Variants in OTOGL observed in about 807,000 individuals in gnomAD.
OTOGL encodes the protein otogelin-like protein.
A neutral mutation model predicts 318.5 loss-of-function variants in OTOGL; 285 were observed. The ratio of observed to expected loss-of-function variants is 0.89; its 90% CI spans 0.81 to 0.99. OTOGL has a LOEUF of 0.99. OTOGL is among the 50% of genes least tolerant of loss of function. The probability of loss-of-function intolerance (pLI) is 0.00; values close to 1 mark genes in which losing one functional copy is unlikely to be tolerated. For missense variants in OTOGL, 2,899 were observed against 2,845.6 expected (o/e 1.02, Z -0.43); for synonymous variants, 987 against 936.5 (o/e 1.05, Z -0.99).
chr12:80,190,219 T>C (rs151332934), intron 1 of OTOGL, among the ~76,000 whole-genome samples: 1 of 152,246 alleles, frequency 6.6e-6, no homozygotes, highest in African/African-American at 2.4e-5. Context: ...GGGAACAGGA[T>C]GTGCTGTGCA....
At chr12:80,329,932 C>G (rs12309182) in intron 37 of OTOGL, among the ~76,000 whole-genome samples, 18,862 of 151,910 alleles carry the variant, frequency 0.12, 2,634 homozygotes, top group African/African-American at 0.35. Flanking sequence ...GCAGCCCACA[C>G]TAGGACCATC....
intron 1 of OTOGL, among the ~76,000 whole-genome samples, chr12:80,149,455 C>T (rs1872627964): frequency 6.6e-6 from 1 of 152,180 alleles, no homozygotes; most frequent in Non-Finnish European, 1.5e-5. Flanking sequence ...ACTGGGAGAA[C>T]CACTGCTCTC....
chr12:80,170,511 G>C (rs1027548533), intron 1 of OTOGL, among the ~76,000 whole-genome samples: 1 of 151,534 alleles, frequency 6.6e-6, no homozygotes, highest in Non-Finnish European at 1.5e-5. Context: ...TTGGCTCACT[G>C]CAACCTCTGT....
At chr12:80,285,641 A>T (rs1367212328) in intron 26 of OTOGL, among the ~76,000 whole-genome samples, 1 of 152,084 alleles carries the variant, frequency 6.6e-6, no homozygotes, top group African/African-American at 2.4e-5. Context: ...TATAGCAATT[A>T]TGAATGGGAG....
intron 53 of OTOGL, 34 bp from the exon 54 acceptor site, chr12:80,367,527 A>G (rs373768033): frequency 5.7e-6 from 8 of 1,411,382 alleles, no homozygotes; most frequent in East Asian, 2.6e-5. Context: ...ACTCAACAGT[A>G]TATTTTCTTA....
intron 29 of OTOGL, among the ~76,000 whole-genome samples, chr12:80,307,735 G>C (rs1178260487): frequency 4.1e-5 from 6 of 145,498 alleles, no homozygotes; most frequent in Non-Finnish European, 6.1e-5. Context: ...CTGGCCGAGC[G>C]GGGGGCAGAC....
chr12:80,367,140 CTTTT>C (rs34564981), intron 53 of OTOGL, among the ~76,000 whole-genome samples: 21 of 131,028 alleles, frequency 1.6e-4, no homozygotes, highest in Non-Finnish European at 2.4e-4. Context: ...CCATACCCAG[CTTTT>C]TTTTTTTTTT....
chr12:80,314,174 A>G (rs1049518883), intron 31 of OTOGL, 131 bp from the exon 32 acceptor site: 1 of 306,888 alleles, frequency 3.3e-6, no homozygotes, highest in Non-Finnish European at 6.2e-6. Flanking sequence ...TTGCTCAGAA[A>G]AAGTTCCTAA....
At chr12:80,316,243 A>G (rs902296022) in intron 32 of OTOGL, among the ~76,000 whole-genome samples, 1 of 152,036 alleles carries the variant, frequency 6.6e-6, no homozygotes, top group Non-Finnish European at 1.5e-5. Context: ...ATCACCGCAC[A>G]TTGTCATCAC....
chr12:80,106,191 A>G (rs562683294), intron 1 of OTOGL, among the ~76,000 whole-genome samples: 10 of 152,334 alleles, frequency 6.6e-5, no homozygotes, highest in African/African-American at 2.4e-4. Context: ...ACATTTATGC[A>G]TGAAATGATG....
At position 80,320,508 on chromosome 12, in the gene OTOGL, T is replaced by A. The variant is rs148064564; in HGVS notation, c.3889T>A (p.Trp1297Arg). 990 of 1,613,638 alleles carry A rather than the reference T, an allele frequency of 6.1e-4. 8 individuals carry two copies. The African/African-American group carries it at 0.011, about 18-fold the overall frequency. Reference sequence around the variant, plus strand: ...CAATGATACTCTTAGCTTGGAGCTGTGGGAGGCGAATTCAGCCTTTCATCG... The same window carrying A: ...CAATGATACTCTTAGCTTGGAGCTGAGGGAGGCGAATTCAGCCTTTCATCG... ...HDNDTLSLEL[W>R]EANSAFHRRA... The change falls in exon 34 of 59, where the codon TGG becomes AGG. Residue 1297 changes from tryptophan (W) to arginine (R), a missense_variant. Around this residue, in one of 3 missense-constraint regions of OTOGL, gnomAD observed 2,607 missense variants for 2,524.9 expected, o/e 1.03. Coordinates refer to ENST00000547103, the MANE Select transcript of OTOGL (RefSeq NM_001378609.3).
intron 26 of OTOGL, among the ~76,000 whole-genome samples, chr12:80,288,182 T>C (rs370978460): frequency 6.6e-6 from 1 of 152,168 alleles, no homozygotes; most frequent in East Asian, 1.9e-4. Context: ...GATATGAAAT[T>C]CTGGATTGAA....
intron 1 of OTOGL, among the ~76,000 whole-genome samples, chr12:80,188,273 T>C (rs866451208): frequency 3.3e-5 from 5 of 152,154 alleles, no homozygotes; most frequent in South Asian, 2.1e-4. Context: ...TGAGCGGTGG[T>C]TCATGCCTGT....
At chr12:80,234,240 A>G (rs1017404235) in intron 9 of OTOGL, among the ~76,000 whole-genome samples, 9 of 152,128 alleles carry the variant, frequency 5.9e-5, no homozygotes, top group Admixed American at 2.0e-4. Context: ...GAATTTTATG[A>G]TGAGAGCACA....
At chr12:80,218,280 T>C (rs1020638957) in intron 5 of OTOGL, among the ~76,000 whole-genome samples, 1 of 152,210 alleles carries the variant, frequency 6.6e-6, no homozygotes, top group African/African-American at 2.4e-5. Context: ...TCATTTTTTT[T>C]CTACCCGTAT....
Position 80,257,881 on chromosome 12 carries a change from G to A in OTOGL, c.1768G>A (p.Gly590Ser). The A allele has an allele frequency of 6.3e-7, 1 of 1,593,894 alleles. No homozygotes were observed. The highest frequency in any genetic ancestry group is 8.5e-7 in the Non-Finnish European group (1 of 1,177,100). The change falls in exon 18 of 59, where the codon GGT becomes AGT. Residue 590 changes from glycine to serine, a missense_variant. By Grantham distance (56) the Gly-to-Ser change is moderately conservative. This residue lies in a region of OTOGL where 2,607 missense variants were observed against 2,524.9 expected (regional missense o/e 1.03). Transcript: ENST00000547103. ...ATTTATACTTCTAAAAACCACATTT[G>A]GTTTAAAGATTCTGTTTGCTATAGA... Reference protein sequence around the residue: ...SLFILLKTTFGLKILFAIDGE... With the variant: ...SLFILLKTTFSLKILFAIDGE...
rs183154919 is a variant in OTOGL, at chr12:80,249,822, G to A, written c.1053-1871G>A. Among the ~76,000 whole-genome samples the A allele has an allele frequency of 4.1e-4, 62 of 152,130 alleles. No homozygotes were observed. In the East Asian group the frequency reaches 9.7e-3, roughly 24 times the overall value. On this transcript the variant is annotated intron_variant, in intron 11 of 58. Coordinates refer to ENST00000547103, the MANE Select transcript of OTOGL (RefSeq NM_001378609.3). Reference sequence around the variant, plus strand: ...CTGTACTAGCAATCAGTGAGACTCCGTGGGCGTAGGACCCTCCGAGGCAGG... The same window carrying A: ...CTGTACTAGCAATCAGTGAGACTCCATGGGCGTAGGACCCTCCGAGGCAGG...
rs1879602143 is a variant in OTOGL, at chr12:80,233,895, G to A, written c.817+798G>A. On this transcript the variant is annotated intron_variant, in intron 9 of 58. Transcript: ENST00000547103. Reference sequence around the variant, plus strand: ...CTTAGTTTCTTCAGCTGTAAAATGGGGCTATGCTAATTTGGAACTCACAGA... The same window carrying A: ...CTTAGTTTCTTCAGCTGTAAAATGGAGCTATGCTAATTTGGAACTCACAGA... 3.3e-5 allele frequency among the ~76,000 whole-genome samples: 5 copies of A among 151,972 alleles called. No individual in the cohort carries two copies. In the South Asian group the frequency reaches 8.3e-4, roughly 25 times the overall value.
At chr12:80,343,597 C>A (rs572909808) in intron 44 of OTOGL, 2 of 124,686 alleles carry the variant, frequency 1.6e-5, no homozygotes, top group South Asian at 2.8e-4. Context: ...GGGAGTGCTG[C>A]TACTCGTATA....
Sources: allele counts gnomAD v4.1 joint callset (sites outside exome capture counted in the v4.1 genomes callset), GRCh38; gene constraint gnomAD v4.1.1; regional missense constraint gnomAD v4.1.1; transcripts MANE v1.5; gene names NCBI Gene and HGNC (gene_info 2026-07-23, HGNC 2026-07-21).